The following PHLPP1 variants were observed in gnomAD, a reference collection of about 807,000 sequenced individuals.
The protein encoded by PHLPP1 is PH domain and leucine rich repeat protein phosphatase 1, also known as PH domain leucine-rich repeat-containing protein phosphatase 1.
In PHLPP1, 42 loss-of-function variants were observed where a neutral mutation model predicts 117.2. The observed-to-expected ratio is 0.36, with a 90% confidence interval of 0.28 to 0.46. PHLPP1 has a LOEUF of 0.46. PHLPP1 is among the 20% of genes least tolerant of loss of function. The probability of loss-of-function intolerance (pLI) is 1.00; values close to 1 mark genes in which losing one functional copy is unlikely to be tolerated. For synonymous variants in PHLPP1, 1,042 were observed against 970.7 expected (o/e 1.07, Z -1.37); for missense variants, 2,084 against 2,241.9 (o/e 0.93, Z 1.42).
intron 1 of PHLPP1, among the ~76,000 whole-genome samples, chr18:62,717,764 A>G (rs1910804596): frequency 6.6e-6 from 1 of 151,986 alleles, no homozygotes; most frequent in South Asian, 2.1e-4. Flanking sequence ...TTGTTTATTC[A>G]GCTCTGCCAC....
rs541431926 is a variant in PHLPP1 at position 62,945,309 on chromosome 18, C to T, written c.3324+38C>T. Reference sequence around the variant, plus strand: ...ATTTCATAAACTCTAAGCTTCAGGTCGGCAAAGAAAGTTGACTTCCTAACT... The same window carrying T: ...ATTTCATAAACTCTAAGCTTCAGGTTGGCAAAGAAAGTTGACTTCCTAACT... On this transcript the variant is annotated intron_variant, in intron 12 of 16. Transcript: ENST00000262719. The T allele has an allele frequency of 1.6e-5, 24 of 1,521,688 alleles. No homozygotes were observed. The South Asian group carries it at 1.9e-4, about 12-fold the overall frequency. The allele number at this position is 1,521,688 out of a possible 1,614,324, so 94.3% of individuals were successfully genotyped here. A position where few individuals can be genotyped will look rare whatever the true frequency, so the allele number is the denominator to read the frequency against.
At chr18:62,802,433 C>G (rs650546) in intron 1 of PHLPP1, among the ~76,000 whole-genome samples, 54,756 of 151,918 alleles carry the variant, frequency 0.36, 11,982 homozygotes, top group Non-Finnish European at 0.49. Flanking sequence ...CCCTCCCAAG[C>G]AGAATAATTT....
chr18:62,924,246 C>A (rs1909559086), intron 10 of PHLPP1, among the ~76,000 whole-genome samples: 1 of 152,060 alleles, frequency 6.6e-6, no homozygotes, highest in African/African-American at 2.4e-5. Context: ...CAGTTTGCTA[C>A]TTAATACAAA....
chr18:62,863,264 A>G (rs1915678432), intron 4 of PHLPP1, among the ~76,000 whole-genome samples: 1 of 151,456 alleles, frequency 6.6e-6, no homozygotes. Flanking sequence ...GCTGGAGTGC[A>G]GTGGTGGCTC....
intron 1 of PHLPP1, among the ~76,000 whole-genome samples, chr18:62,775,259 G>T (rs764308813): frequency 6.6e-6 from 1 of 152,016 alleles, no homozygotes; most frequent in Non-Finnish European, 1.5e-5. Flanking sequence ...CACCACGCCC[G>T]GCTAATTTTT....
intron 5 of PHLPP1, 119 bp downstream of exon 5, chr18:62,895,276 A>G (rs1016357845): frequency 1.4e-5 from 14 of 977,844 alleles, no homozygotes; most frequent in Middle Eastern, 3.3e-4. Context: ...TTGGCCCCAA[A>G]TCAAGAGATC....
intron 1 of PHLPP1, among the ~76,000 whole-genome samples, chr18:62,785,268 CAGA>C (rs1229322192): frequency 6.6e-6 from 1 of 152,188 alleles, no homozygotes. Flanking sequence ...GTATCATCCT[CAGA>C]AGGACAGGGA....
chr18:62,828,629 G>A (rs769453283), intron 1 of PHLPP1, among the ~76,000 whole-genome samples: 5 of 152,072 alleles, frequency 3.3e-5, no homozygotes, highest in Non-Finnish European at 7.4e-5. Flanking sequence ...GTATGTATTG[G>A]GAACGTTCAG....
chr18:62,844,962 T>C (rs1334509355), intron 3 of PHLPP1, among the ~76,000 whole-genome samples: 1 of 152,212 alleles, frequency 6.6e-6, no homozygotes, highest in Non-Finnish European at 1.5e-5. Flanking sequence ...GTAACATGAC[T>C]GAATTGAAAG....
Position 62,774,948 on chromosome 18 carries a change from AT to A in PHLPP1, c.1577-55086del, listed in dbSNP as rs543023752. Reference sequence around the variant, plus strand: ...TTTTATAGCTAATGTCTTAAAAAAAATAACCCATAATCACCATGGTCACTTT... The same window carrying A: ...TTTTATAGCTAATGTCTTAAAAAAAAAACCCATAATCACCATGGTCACTTT... On this transcript the variant is annotated intron_variant, in intron 1 of 16. Coordinates refer to ENST00000262719, the MANE Select transcript of PHLPP1 (RefSeq NM_194449.4). Among the ~76,000 whole-genome samples the A allele has an allele frequency of 6.1e-3, 923 of 152,316 alleles. 7 individuals are homozygous for A. Among genetic ancestry groups the A allele is most frequent in the Non-Finnish European group, 9.3e-3 (631 of 68,020 alleles).
intron 3 of PHLPP1, among the ~76,000 whole-genome samples, chr18:62,842,548 G>A (rs1464737568): frequency 6.6e-6 from 1 of 151,698 alleles, no homozygotes; most frequent in African/African-American, 2.4e-5. Flanking sequence ...ATTTTTAGTA[G>A]AAACGGGATT....
chr18:62,976,359 C>A (rs116635558), intron 16 of PHLPP1, among the ~76,000 whole-genome samples: 2,933 of 152,172 alleles, frequency 0.019, 92 homozygotes, highest in African/African-American at 0.066. Context: ...GAGGGCGTGT[C>A]TCAAGGAAGA....
chr18:62,799,945 C>T (rs1311783643), intron 1 of PHLPP1, among the ~76,000 whole-genome samples: 1 of 152,160 alleles, frequency 6.6e-6, no homozygotes, highest in Non-Finnish European at 1.5e-5. Flanking sequence ...TATTGGGGAA[C>T]TGCAAGGTTT....
At chr18:62,787,095 T>C (rs1913312012) in intron 1 of PHLPP1, among the ~76,000 whole-genome samples, 1 of 152,100 alleles carries the variant, frequency 6.6e-6, no homozygotes, top group African/African-American at 2.4e-5. Flanking sequence ...AGGGAAAAAA[T>C]TCAATTTTCT....
chr18:62,900,375 G>A (rs892379696), intron 6 of PHLPP1, among the ~76,000 whole-genome samples: 1 of 149,360 alleles, frequency 6.7e-6, no homozygotes, highest in Non-Finnish European at 1.5e-5. Flanking sequence ...TTACATCATG[G>A]TGACTGTGGT....
intron 1 of PHLPP1, among the ~76,000 whole-genome samples, chr18:62,744,682 C>T (rs1050170942): frequency 2.0e-5 from 3 of 152,222 alleles, no homozygotes; most frequent in African/African-American, 7.2e-5. Context: ...ATAAACAGAT[C>T]ATGTAATGCA....
intron 1 of PHLPP1, among the ~76,000 whole-genome samples, chr18:62,739,474 A>G (rs1363218067): frequency 6.6e-6 from 1 of 152,156 alleles, no homozygotes; most frequent in Non-Finnish European, 1.5e-5. Context: ...GGGTGGGTAC[A>G]TATACAACAG....
chr18:62,878,514 C>A (rs1022250224), intron 4 of PHLPP1, among the ~76,000 whole-genome samples: 1 of 152,178 alleles, frequency 6.6e-6, no homozygotes, highest in African/African-American at 2.4e-5. Flanking sequence ...ATGTCACTCA[C>A]CATGCTCTAA....
chr18:62,868,164 C>G (rs1372486231), intron 4 of PHLPP1, among the ~76,000 whole-genome samples: 2 of 152,088 alleles, frequency 1.3e-5, no homozygotes, highest in Non-Finnish European at 2.9e-5. Context: ...TTCTGTTATG[C>G]TTGATAACTT....
Sources: gnomAD v4.1 joint callset for allele counts (sites outside exome capture counted in the v4.1 genomes callset) on GRCh38, gnomAD v4.1.1 for gene constraint, MANE v1.5 for transcripts, NCBI Gene and HGNC (gene_info 2026-07-23, HGNC 2026-07-21) for gene names.